NCAPH2: variants seen among roughly 807,000 people sequenced by gnomAD.
NCAPH2 encodes the protein non-SMC condensin II complex subunit H2, also known as condensin-2 complex subunit H2.
In NCAPH2, 56 loss-of-function variants were observed where a neutral mutation model predicts 88.6. The observed-to-expected ratio is 0.63, with a 90% CI of 0.51 to 0.79. The LOEUF (loss-of-function observed/expected upper bound fraction) is 0.79, where lower values mean the gene tolerates loss of function less well. Ranked by LOEUF, NCAPH2 falls within the 30% of genes least tolerant of loss-of-function variation. The pLI, the probability that NCAPH2 is intolerant of heterozygous loss-of-function variation, is 0.00. For missense variants in NCAPH2, 794 were observed against 792.0 expected (o/e 1.00, Z -0.03); for synonymous variants, 378 against 313.6 (o/e 1.21, Z -2.17).
intron 9 of NCAPH2, among the ~76,000 whole-genome samples, chr22:50,520,248 CTTATT>C (rs1417187133): frequency 1.3e-5 from 2 of 151,644 alleles, no homozygotes; most frequent in African/African-American, 4.8e-5. Context: ...TTATTTTTAT[CTTATT>C]TTATTTATTT....
Position 50,518,133 on chromosome 22 carries a change from C to T in NCAPH2, c.501C>T (p.Ser167=), listed in dbSNP as rs2068980418. Residue 167 remains serine (S), a splice_region_variant and synonymous_variant, in exon 7 of 20, where the codon AGC becomes AGT. Transcript: ENST00000420993. ...EMEKNNNPLY[S]RQGEVLASRK... Reference sequence around the variant, plus strand: ...AGCAGGCGTGTTTTTGCCAGCACAGCCGTCAGGGTGAGGTCCTGGCCAGCC... The same window carrying T: ...AGCAGGCGTGTTTTTGCCAGCACAGTCGTCAGGGTGAGGTCCTGGCCAGCC... 5.0e-6 allele frequency: 8 copies of T among 1,613,802 alleles called. No individual in the cohort carries two copies. Among genetic ancestry groups the T allele is most frequent in the South Asian group, 1.1e-5 (1 of 91,068 alleles).
chr22:50,518,254 TC>T lies in NCAPH2; in HGVS notation c.627del (p.Met210CysfsTer56). The T allele has an allele frequency of 1.2e-6, 2 of 1,613,410 alleles. No individual in the cohort carries two copies. Among genetic ancestry groups the T allele is most frequent in the Non-Finnish European group, 1.7e-6 (2 of 1,179,970 alleles). ...GTCCCCCATGGAACCAGCGGGCGTT[TC>T]CCCCATGCCAGGGACCCAGAAGGGT... is the stretch of plus-strand genomic sequence containing the variant. The part of the protein sequence containing the change: ...GMSPMEPAGV[S>X]PMPGTQKDTG... On this transcript the variant is annotated frameshift_variant, in exon 7 of 20. Coordinates refer to ENST00000420993, the MANE Select transcript of NCAPH2 (RefSeq NM_152299.4). LOFTEE classifies it high-confidence loss of function.
chr22:50,521,071 G>A, intron 10 of NCAPH2, 35 bp downstream of exon 10: 1 of 1,546,484 alleles, frequency 6.5e-7, no homozygotes. Context: ...CCGGCAGGGA[G>A]GGATGGGCGG....
chr22:50,514,064 G>A (rs370729831), intron 1 of NCAPH2, among the ~76,000 whole-genome samples: 3 of 152,146 alleles, frequency 2.0e-5, no homozygotes, highest in Non-Finnish European at 4.4e-5. Context: ...CTGAGATTGC[G>A]CCCCTGCATT....
Position 50,524,547 on chromosome 22 carries a change from C to T in NCAPH2, c.*1172C>T, listed in dbSNP as rs1240277687. 1.2e-6 allele frequency: 1 copy of T among 868,580 alleles called. No homozygotes were observed. Among genetic ancestry groups the T allele is most frequent in the Non-Finnish European group, 1.9e-6 (1 of 523,824 alleles). 53.8% of individuals were successfully genotyped at this position (868,580 alleles called of 1,614,324 possible). A position where few individuals can be genotyped will look rare whatever the true frequency, so the allele number is the denominator to read the frequency against. Reference sequence around the variant, plus strand: ...CCAGCCCACGTTCAGGCTTAACAGGCATTTGCAGCTGCTCACCTGAGCTCA... The same window carrying T: ...CCAGCCCACGTTCAGGCTTAACAGGTATTTGCAGCTGCTCACCTGAGCTCA... On this transcript the variant is annotated 3_prime_UTR_variant, in exon 20 of 20. Coordinates refer to ENST00000420993, the MANE Select transcript of NCAPH2 (RefSeq NM_152299.4).
intron 9 of NCAPH2, chr22:50,519,746 A>C: frequency 9.9e-7 from 1 of 1,013,160 alleles, no homozygotes; most frequent in Non-Finnish European, 1.2e-6. Flanking sequence ...AAACAAAATC[A>C]ACCTGATGCA....
intron 5 of NCAPH2, 44 bp downstream of exon 5, chr22:50,517,853 A>T: frequency 1.2e-6 from 2 of 1,608,936 alleles, no homozygotes. Flanking sequence ...TGAGGTCAGC[A>T]CTTTCCCTGG....
chr22:50,508,474 TGGGCCGGCGGGTGGGGCTGCGGGGC>T, intron 1 of NCAPH2, 29 bp downstream of exon 1: 1 of 123,788 alleles, frequency 8.1e-6, no homozygotes, highest in Admixed American at 2.0e-4. Context: ...TGACGCGGGG[TGGGCCGGCGGGTGGGGCTGCGGGGC>T]GGGGGCTCCG....
chr22:50,518,193 C>A lies in NCAPH2; in HGVS notation c.561C>A (p.His187Gln). ...TCAGGATGAACACGTGCGTTCCCCA[C>A]CCCAGAGGGGCCTTCATGTTGGAGC... is the stretch of plus-strand genomic sequence containing the variant. Reference protein sequence around the residue: ...KDFRMNTCVPHPRGAFMLEPE... With the variant: ...KDFRMNTCVPQPRGAFMLEPE... Residue 187 changes from histidine (H) to glutamine (Q), a missense_variant, in exon 7 of 20, where the codon CAC becomes CAA. Physicochemically the swap from His to Gln is conservative, Grantham distance 24. Coordinates refer to ENST00000420993, the MANE Select transcript of NCAPH2 (RefSeq NM_152299.4). 2 of 1,614,088 alleles carry A rather than the reference C, an allele frequency of 1.2e-6. No homozygotes were observed. The highest frequency in any genetic ancestry group is 1.7e-6 in the Non-Finnish European group (2 of 1,180,028).
Position 50,522,814 on chromosome 22 carries a change from C to G in NCAPH2, c.1426-7C>G. On this transcript the variant is annotated splice_region_variant and splice_polypyrimidine_tract_variant and intron_variant, in intron 17 of 19. Transcript: ENST00000420993. Reference sequence around the variant, plus strand: ...GGAGGCAGTAGCTCCTGCTGATCCTCCCCTAGGAGCTCTTCATCGCCACCT... The same window carrying G: ...GGAGGCAGTAGCTCCTGCTGATCCTGCCCTAGGAGCTCTTCATCGCCACCT... 1.2e-6 allele frequency: 2 copies of G among 1,612,796 alleles called. No homozygotes were observed. Among genetic ancestry groups the G allele is most frequent in the Non-Finnish European group, 1.7e-6 (2 of 1,179,568 alleles).
At chr22:50,516,020 A>G (rs2068912256) in intron 1 of NCAPH2, among the ~76,000 whole-genome samples, 1 of 152,098 alleles carries the variant, frequency 6.6e-6, no homozygotes, top group Non-Finnish European at 1.5e-5. Context: ...CAGAGGAAGG[A>G]TGGCGACTCA....
intron 1 of NCAPH2, among the ~76,000 whole-genome samples, chr22:50,511,893 C>T (rs924635788): frequency 3.3e-5 from 5 of 152,260 alleles, no homozygotes; most frequent in East Asian, 1.9e-4. Flanking sequence ...GTGATCCACC[C>T]GCCTCGGCCT....
At chr22:50,514,102 G>A (rs144039751) in intron 1 of NCAPH2, among the ~76,000 whole-genome samples, 4,339 of 150,914 alleles carry the variant, frequency 0.029, 95 homozygotes, top group Middle Eastern at 0.12. Flanking sequence ...GTGAGACTCC[G>A]TCTCAAACAA....
intron 1 of NCAPH2, among the ~76,000 whole-genome samples, chr22:50,511,849 A>G (rs1249656810): frequency 2.8e-5 from 4 of 140,432 alleles, no homozygotes; most frequent in East Asian, 2.3e-4. Context: ...GGGTTTCACC[A>G]TGTTAGCCAG....
rs201909075 is a variant in NCAPH2 at position 50,523,836 on chromosome 22, G to A, written c.*461G>A. The A allele has an allele frequency of 1.8e-4, 295 of 1,614,036 alleles. 1 individual carries two copies. The East Asian group carries it at 5.4e-3, about 30-fold the overall frequency. On this transcript the variant is annotated 3_prime_UTR_variant, in exon 20 of 20. Transcript: ENST00000420993. Reference sequence around the variant, plus strand: ...CCTGGGCAACCTGTTTGGTGGAGCCGGTCAGACCCAACAGTCTTGGGTGGA... The same window carrying A: ...CCTGGGCAACCTGTTTGGTGGAGCCAGTCAGACCCAACAGTCTTGGGTGGA...
In NCAPH2 at chr22:50,522,734, A is replaced by G; in HGVS notation, c.1425+14A>G. Reference sequence around the variant, plus strand: ...CGAAGGAATGTGGTAGGCCTGGGTTAGAGGGAGACGGGGAGGGGAGGGGGA... The same window carrying G: ...CGAAGGAATGTGGTAGGCCTGGGTTGGAGGGAGACGGGGAGGGGAGGGGGA... On this transcript the variant is annotated intron_variant, in intron 17 of 19. Transcript: ENST00000420993. 1 of 1,612,682 alleles carries G rather than the reference A, an allele frequency of 6.2e-7. No homozygotes were observed. Among genetic ancestry groups the G allele is most frequent in the African/African-American group, 1.3e-5 (1 of 74,968 alleles).
intron 1 of NCAPH2, 123 bp from the exon 2 acceptor site, chr22:50,516,324 A>G: frequency 2.5e-6 from 2 of 793,186 alleles, no homozygotes; most frequent in Non-Finnish European, 4.2e-6. Flanking sequence ...AGCCCACAGC[A>G]TAGCTAGAGC....
Position 50,521,783 on chromosome 22 carries a change from G to C in NCAPH2, c.1043G>C (p.Gly348Ala), listed in dbSNP as rs553057344. The change falls in exon 12 of 20, where the codon GGA becomes GCA. Residue 348 changes from glycine to alanine, a missense_variant. By Grantham distance (60) the Gly-to-Ala change is moderately conservative. Coordinates refer to ENST00000420993, the MANE Select transcript of NCAPH2 (RefSeq NM_152299.4). ...SVPPCVEEAL[G>A]QKRKRKGAAK... ...CCCCCCTGTGTGGAGGAGGCTCTGG[G>C]ACAGAAGCGCAAGAGGAAGGGCGCT... 1 of 1,614,012 alleles carries C rather than the reference G, an allele frequency of 6.2e-7. No homozygotes were observed. Among genetic ancestry groups the C allele is most frequent in the South Asian group, 1.1e-5 (1 of 91,090 alleles).
intron 1 of NCAPH2, among the ~76,000 whole-genome samples, chr22:50,515,465 C>G (rs186304368): frequency 2.0e-5 from 3 of 152,120 alleles, no homozygotes; most frequent in African/African-American, 7.2e-5. Context: ...GGCGCGATCT[C>G]GGCTCACTGC....
Sources: allele counts gnomAD v4.1 joint callset (sites outside exome capture counted in the v4.1 genomes callset), GRCh38; gene constraint gnomAD v4.1.1; transcripts MANE v1.5; gene names NCBI Gene and HGNC (gene_info 2026-07-23, HGNC 2026-07-21).